Variants in TOM1L2 observed in about 807,000 individuals in gnomAD.
TOM1L2 encodes TOM1-like protein 2.
TOM1L2 carries 31 observed loss-of-function variants against 67.9 expected under a neutral mutation model. That is an observed-to-expected ratio of 0.46 (90% CI 0.34 to 0.62). The LOEUF (loss-of-function observed/expected upper bound fraction) is 0.62. Ranked by LOEUF, TOM1L2 falls within the 20% of genes least tolerant of loss-of-function variation. TOM1L2 has a pLI of 0.01. For missense variants in TOM1L2, 606 were observed against 663.5 expected (o/e 0.91, Z 0.95); for synonymous variants, 256 against 254.0 (o/e 1.01, Z -0.07).
At chr17:17,922,759 C>T (rs184627904) in intron 1 of TOM1L2, among the ~76,000 whole-genome samples, 3 of 152,282 alleles carry the variant, frequency 2.0e-5, no homozygotes, top group African/African-American at 7.2e-5. Flanking sequence ...TAAATATGAA[C>T]CACAATTCTT....
At chr17:17,891,442 G>A (rs542587544) in intron 4 of TOM1L2, among the ~76,000 whole-genome samples, 5 of 152,290 alleles carry the variant, frequency 3.3e-5, no homozygotes, top group South Asian at 4.1e-4. Flanking sequence ...CAGGGTGTGC[G>A]GGGACAGGCA....
chr17:17,956,428 GCT>G (rs902833243), intron 1 of TOM1L2, among the ~76,000 whole-genome samples: 12 of 152,344 alleles, frequency 7.9e-5, no homozygotes, highest in African/African-American at 2.6e-4. Context: ...AACCCAGCTG[GCT>G]TCACCCAGTG....
At position 17,869,308 on chromosome 17, in the gene TOM1L2, GAAAAAAA is replaced by G. The variant is rs34879782; in HGVS notation, c.911+25_911+31del. On this transcript the variant is annotated intron_variant, in intron 8 of 14. Transcript: ENST00000379504. ...TGTTATGGCAACAATCTTTTCAAGG[GAAAAAAA>G]AAAAAAAAGAAATCCGGCTCCCACC... 5,825 of 1,517,098 alleles carry G rather than the reference GAAAAAAA, an allele frequency of 3.8e-3. 196 individuals carry two copies. In the African/African-American group the frequency reaches 0.071, roughly 19 times the overall value. The allele number at this position is 1,517,098 out of a possible 1,614,324, so 94.0% of individuals were successfully genotyped here.
At chr17:17,930,037 A>C (rs1344486791) in intron 1 of TOM1L2, among the ~76,000 whole-genome samples, 4 of 152,234 alleles carry the variant, frequency 2.6e-5, no homozygotes, top group Admixed American at 2.0e-4. Flanking sequence ...ACACACAGGA[A>C]GGCAAGAGCA....
rs114787101 is a variant in TOM1L2 at position 17,869,808 on chromosome 17, A to G, written c.778-335T>C. On this transcript the variant is annotated intron_variant, in intron 7 of 14. Coordinates refer to ENST00000379504, the MANE Select transcript of TOM1L2 (RefSeq NM_001082968.2). ...CAAAATATTCCAGACACCGTTCTCCATCACTTGGTACAGACTGCCTCATTC... is the reference window on the plus strand; with the variant it reads ...CAAAATATTCCAGACACCGTTCTCCGTCACTTGGTACAGACTGCCTCATTC... 756 of 444,604 alleles carry G rather than the reference A, an allele frequency of 1.7e-3. 6 individuals are homozygous for G. The highest frequency in any genetic ancestry group is 0.012 in the African/African-American group (586 of 48,036). 27.5% of individuals were successfully genotyped at this position (444,604 alleles called of 1,614,324 possible). A position where few individuals can be genotyped will look rare whatever the true frequency, so the allele number is the denominator to read the frequency against.
chr17:17,917,168 A>T (rs969015022), intron 1 of TOM1L2, among the ~76,000 whole-genome samples: 13 of 151,592 alleles, frequency 8.6e-5, no homozygotes, highest in African/African-American at 1.5e-4. Context: ...TAAAAAAATT[A>T]AAAAATTTAA....
chr17:17,956,445 C>T (rs1036570083), intron 1 of TOM1L2, among the ~76,000 whole-genome samples: 16 of 152,256 alleles, frequency 1.1e-4, no homozygotes, highest in Admixed American at 2.6e-4. Context: ...CCAGTGGATC[C>T]CACACCTGGG....
intron 1 of TOM1L2, among the ~76,000 whole-genome samples, chr17:17,963,257 A>G (rs929307439): frequency 1.3e-5 from 2 of 152,214 alleles, no homozygotes; most frequent in African/African-American, 4.8e-5. Flanking sequence ...AATCTAGAAC[A>G]AAGAGTGCTA....
At chr17:17,911,985 C>A (rs1204164133) in intron 1 of TOM1L2, among the ~76,000 whole-genome samples, 1 of 150,166 alleles carries the variant, frequency 6.7e-6, no homozygotes, top group Non-Finnish European at 1.5e-5. Flanking sequence ...GGTCACAGAT[C>A]AACAGGATCC....
intron 1 of TOM1L2, among the ~76,000 whole-genome samples, chr17:17,924,667 A>G (rs1383687917): frequency 6.6e-6 from 1 of 152,150 alleles, no homozygotes; most frequent in African/African-American, 2.4e-5. Context: ...CAAGAGGCTG[A>G]GATAGGAGTA....
intron 10 of TOM1L2, 31 bp downstream of exon 10, chr17:17,866,265 G>C (rs778106835): frequency 1.2e-6 from 2 of 1,600,064 alleles, no homozygotes; most frequent in Non-Finnish European, 1.7e-6. Context: ...TAGGAAGTAG[G>C]TAGGCCCTTT....
intron 1 of TOM1L2, among the ~76,000 whole-genome samples, chr17:17,916,074 A>ATTTT (rs1203797922): frequency 1.5e-5 from 2 of 135,810 alleles, no homozygotes; most frequent in African/African-American, 2.7e-5. Flanking sequence ...CCTTTTTAAG[A>ATTTT]TTTTTTTTTT....
chr17:17,914,402 G>A (rs542902050), intron 1 of TOM1L2, among the ~76,000 whole-genome samples: 1 of 152,254 alleles, frequency 6.6e-6, no homozygotes, highest in East Asian at 1.9e-4. Flanking sequence ...TCCTAGGCCT[G>A]CCTGCCCTCC....
At chr17:17,886,131 T>C (rs940291836) in intron 4 of TOM1L2, among the ~76,000 whole-genome samples, 1 of 152,078 alleles carries the variant, frequency 6.6e-6, no homozygotes, top group Non-Finnish European at 1.5e-5. Context: ...TCTCCCTCAC[T>C]CCAGCAATGT....
At chr17:17,849,058 T>TA (rs1236561193) in intron 13 of TOM1L2, 199 bp from the exon 14 acceptor site, 11 of 561,274 alleles carry the variant, frequency 2.0e-5, no homozygotes, top group Non-Finnish European at 3.4e-5. Context: ...GCTTTGTTTT[T>TA]AAAAAACAAA....
At chr17:17,882,927 T>C (rs1318485662) in intron 5 of TOM1L2, 64 bp from the exon 6 acceptor site, 2 of 1,581,478 alleles carry the variant, frequency 1.3e-6, no homozygotes, top group Non-Finnish European at 1.7e-6. Flanking sequence ...ACCTGGTACC[T>C]ACCCCACCCC....
At chr17:17,849,024 G>A (rs2035813651) in intron 13 of TOM1L2, 165 bp from the exon 14 acceptor site, 1 of 577,240 alleles carries the variant, frequency 1.7e-6, no homozygotes, top group Non-Finnish European at 3.0e-6. Flanking sequence ...GTAAAATACT[G>A]CTCTTCTTAT....
intron 13 of TOM1L2, among the ~76,000 whole-genome samples, chr17:17,850,427 G>A (rs2035895241): frequency 6.6e-6 from 1 of 151,898 alleles, no homozygotes; most frequent in Non-Finnish European, 1.5e-5. Context: ...GAAGGGAGGA[G>A]GGGGATGACA....
chr17:17,885,174 CG>C (rs1598265368), intron 4 of TOM1L2, among the ~76,000 whole-genome samples: 1 of 152,316 alleles, frequency 6.6e-6, no homozygotes, highest in East Asian at 1.9e-4. Context: ...GCCCTCTGTG[CG>C]GGAGCACCTC....
Sources: allele counts gnomAD v4.1 joint callset (sites outside exome capture counted in the v4.1 genomes callset), GRCh38; gene constraint gnomAD v4.1.1; transcripts MANE v1.5; gene names NCBI Gene and HGNC (gene_info 2026-07-23, HGNC 2026-07-21).